The following LHCGR variants were observed in gnomAD, a reference collection of about 807,000 sequenced individuals.
LHCGR encodes lutropin-choriogonadotropic hormone receptor.
LHCGR carries 55 observed loss-of-function variants against 60.7 expected under a neutral mutation model. The observed-to-expected ratio is 0.91, with a 90% CI of 0.73 to 1.13. The LOEUF (loss-of-function observed/expected upper bound fraction) is 1.13, where lower values mean the gene tolerates loss of function less well. Among genes scored for constraint, LHCGR ranks in the 50% most tolerant of loss-of-function variants. LHCGR has a pLI of 0.00. For synonymous variants in LHCGR, 337 were observed against 316.5 expected (o/e 1.06, Z -0.69); for missense variants, 862 against 836.0 (o/e 1.03, Z -0.38).
chr2:48,729,121 C>G, intron 3 of LHCGR, 32 bp downstream of exon 3: 1 of 1,506,824 alleles, frequency 6.6e-7, no homozygotes, highest in Non-Finnish European at 9.2e-7. Flanking sequence ...TAATAGTGTA[C>G]AGCAGTAAAC....
chr2:48,728,091 T>G (rs1009137018), intron 3 of LHCGR, among the ~76,000 whole-genome samples: 23 of 110,558 alleles, frequency 2.1e-4, no homozygotes, highest in African/African-American at 5.8e-4. Context: ...TTATGAGTTT[T>G]TTTTTTTTTT....
intron 8 of LHCGR, among the ~76,000 whole-genome samples, chr2:48,702,263 CTT>C (rs35628117): frequency 1.1e-4 from 16 of 145,308 alleles, no homozygotes; most frequent in Admixed American, 3.4e-4. Context: ...TCTCATGTAT[CTT>C]TTTTTTTTTT....
intron 9 of LHCGR, among the ~76,000 whole-genome samples, chr2:48,697,007 T>A (rs922810562): frequency 6.6e-6 from 1 of 152,092 alleles, no homozygotes; most frequent in African/African-American, 2.4e-5. Context: ...CAAATTTGAG[T>A]CATCTTGCTT....
In LHCGR at chr2:48,688,746, TA is replaced by T; in HGVS notation, c.1050del (p.Phe350LeufsTer16). 1 of 1,614,088 alleles carries T rather than the reference TA, an allele frequency of 6.2e-7. No individual in the cohort carries two copies. Among genetic ancestry groups the T allele is most frequent in the Non-Finnish European group, 8.5e-7 (1 of 1,179,974 alleles). ...TAGCCCATAATATCTTCACAGGGAT[TA>T]AAAGCATCTGGTTCAGGAGCACATC... ...TPRCAPEPDA[F>X]NPCEDIMGYD... On this transcript the variant is annotated frameshift_variant, in exon 11 of 11. Coordinates refer to ENST00000294954, the MANE Select transcript of LHCGR (RefSeq NM_000233.4). LOFTEE classifies it high-confidence loss of function. The surrounding 1 kb of genome is among the most constrained non-coding windows in gnomAD (Gnocchi z 5.2).
intron 1 of LHCGR, among the ~76,000 whole-genome samples, chr2:48,754,055 A>C (rs1036042728): frequency 2.6e-5 from 4 of 152,164 alleles, no homozygotes. Flanking sequence ...CTTGTCAGGG[A>C]CGGACCAGGG....
In LHCGR at chr2:48,751,076, T is replaced by C. The variant is rs992965983; in HGVS notation, c.161+4435A>G. On this transcript the variant is annotated intron_variant, in intron 1 of 10. Coordinates refer to ENST00000294954, the MANE Select transcript of LHCGR (RefSeq NM_000233.4). ...CAAAAATATATGTAAGCCCAGGATA[T>C]TGAAGTGAGTATGTGGATGGGGAAG... is the stretch of plus-strand genomic sequence containing the variant. Among the ~76,000 whole-genome samples, 21 of 152,218 alleles carry C rather than the reference T, an allele frequency of 1.4e-4. No homozygotes were observed. In the South Asian group the frequency reaches 4.2e-3, roughly 30 times the overall value.
chr2:48,737,572 G>A (rs1669256139), intron 1 of LHCGR, among the ~76,000 whole-genome samples: 1 of 152,092 alleles, frequency 6.6e-6, no homozygotes, highest in African/African-American at 2.4e-5. Flanking sequence ...TTAAATCTTT[G>A]AGCTGTCAAA....
intron 6 of LHCGR, among the ~76,000 whole-genome samples, chr2:48,714,580 A>G (rs548849617): frequency 6.6e-6 from 1 of 152,086 alleles, no homozygotes; most frequent in South Asian, 2.1e-4. Flanking sequence ...ACAGTCCTTT[A>G]AGACCATTAG....
intron 4 of LHCGR, among the ~76,000 whole-genome samples, chr2:48,725,288 C>G (rs1057397084): frequency 1.3e-5 from 2 of 152,116 alleles, no homozygotes; most frequent in African/African-American, 4.8e-5. Flanking sequence ...AACTCTTAAC[C>G]CGTGATGAGA....
intron 4 of LHCGR, among the ~76,000 whole-genome samples, chr2:48,725,287 C>T (rs867740859): frequency 1.3e-5 from 2 of 152,136 alleles, no homozygotes; most frequent in African/African-American, 4.8e-5. Context: ...AAACTCTTAA[C>T]CCGTGATGAG....
intron 8 of LHCGR, among the ~76,000 whole-genome samples, chr2:48,699,994 G>A (rs1558821819): frequency 6.6e-6 from 1 of 152,212 alleles, no homozygotes; most frequent in East Asian, 1.9e-4. Context: ...TCAGCACATG[G>A]GAGGGGACCA....
intron 1 of LHCGR, among the ~76,000 whole-genome samples, chr2:48,743,894 A>G (rs1488909235): frequency 6.6e-6 from 1 of 151,724 alleles, no homozygotes; most frequent in African/African-American, 2.4e-5. Flanking sequence ...GGAAAAGAGG[A>G]AGTCAAATTG....
intron 8 of LHCGR, among the ~76,000 whole-genome samples, 193 bp from the exon 9 acceptor site, chr2:48,698,993 T>A (rs13028542): frequency 2.0e-5 from 3 of 151,950 alleles, no homozygotes; most frequent in Non-Finnish European, 2.9e-5. Flanking sequence ...AGGCGCCCGC[T>A]ACCACGCCCG....
intron 6 of LHCGR, among the ~76,000 whole-genome samples, chr2:48,722,525 CT>C (rs1261676818): frequency 1.3e-5 from 2 of 152,076 alleles, no homozygotes; most frequent in East Asian, 1.9e-4. Context: ...CACCATCCCC[CT>C]AGTGCTGTTC....
chr2:48,696,172 A>G (rs1667107455), intron 9 of LHCGR, among the ~76,000 whole-genome samples: 3 of 152,192 alleles, frequency 2.0e-5, no homozygotes, highest in African/African-American at 7.2e-5. Context: ...TTGTTTTCAT[A>G]GAGAATGAAA....
rs943919485 is a variant in LHCGR, at chr2:48,748,848, C to G, written c.161+6663G>C. Among the ~76,000 whole-genome samples, 6 of 152,112 alleles carry G rather than the reference C, an allele frequency of 3.9e-5. No homozygotes were observed. In the South Asian group the frequency reaches 1.0e-3, roughly 26 times the overall value. On this transcript the variant is annotated intron_variant, in intron 1 of 10. Transcript: ENST00000294954. ...AGAGATTTCATCATTGAGCCAATAC[C>G]TACAGTGCAAATTAGAAAAAGGGGA...
intron 6 of LHCGR, 109 bp downstream of exon 6, chr2:48,723,347 C>A: frequency 1.3e-6 from 1 of 793,298 alleles, no homozygotes; most frequent in Non-Finnish European, 2.2e-6. Flanking sequence ...AGAAGAATGT[C>A]ACCAGTGAGT....
At chr2:48,717,007 C>G (rs929451623) in intron 6 of LHCGR, among the ~76,000 whole-genome samples, 5 of 152,164 alleles carry the variant, frequency 3.3e-5, no homozygotes, top group African/African-American at 9.7e-5. Context: ...AGAACCTTTG[C>G]CCTAGGGTAT....
chr2:48,738,673 G>A (rs1264686712), intron 1 of LHCGR, among the ~76,000 whole-genome samples: 1 of 152,170 alleles, frequency 6.6e-6, no homozygotes, highest in Admixed American at 6.5e-5. Flanking sequence ...GCCATATGTG[G>A]CCACTGGGCA....
Sources: gnomAD v4.1 joint callset for allele counts (sites outside exome capture counted in the v4.1 genomes callset) on GRCh38, gnomAD v4.1.1 for gene constraint, Gnocchi (gnomAD v3.1) non-coding constraint, MANE v1.5 for transcripts, NCBI Gene and HGNC (gene_info 2026-07-23, HGNC 2026-07-21) for gene names.